IGF1R: variants seen among roughly 807,000 people sequenced by gnomAD.
The protein encoded by IGF1R is insulin like growth factor 1 receptor.
In IGF1R, 44 loss-of-function variants were observed where a neutral mutation model predicts 144.6. That is an observed-to-expected ratio of 0.30 (90% CI 0.24 to 0.39). The LOEUF (loss-of-function observed/expected upper bound fraction) is 0.39. IGF1R is among the 10% of genes least tolerant of loss of function. IGF1R has a pLI of 1.00. For synonymous variants in IGF1R, 795 were observed against 722.8 expected (o/e 1.10, Z -1.60); for missense variants, 1,355 against 1,833.7 (o/e 0.74, Z 4.77).
At position 98,648,726 on chromosome 15, in the gene IGF1R, C is replaced by A. The variant is rs934705241; in HGVS notation, c.-856C>A. Among the ~76,000 whole-genome samples, 125 of 147,526 alleles carry A rather than the reference C, an allele frequency of 8.5e-4. No homozygotes were observed. The highest frequency in any genetic ancestry group is 1.3e-3 in the Non-Finnish European group (88 of 66,236). ...CTGCCCACGGCCGGCGCTCGCAGACCCTCGGCCCCGCTCCCCGGATCCCCC... is the reference window on the plus strand; with the variant it reads ...CTGCCCACGGCCGGCGCTCGCAGACACTCGGCCCCGCTCCCCGGATCCCCC... On this transcript the variant is annotated 5_prime_UTR_variant, in exon 1 of 21. Transcript: ENST00000650285.
At chr15:98,804,533 G>A (rs750045016) in intron 2 of IGF1R, among the ~76,000 whole-genome samples, 61 of 152,106 alleles carry the variant, frequency 4.0e-4, no homozygotes, top group Non-Finnish European at 6.3e-4. Flanking sequence ...GGATGGGGAT[G>A]CACTCCAGAG....
In IGF1R at chr15:98,963,867, A is replaced by C. The variant is rs2017323838; in HGVS notation, c.*6425A>C. 1 of 233,224 alleles carries C rather than the reference A, an allele frequency of 4.3e-6. No individual in the cohort carries two copies. Among genetic ancestry groups the C allele is most frequent in the Non-Finnish European group, 8.5e-6 (1 of 117,986 alleles). 14.4% of individuals were successfully genotyped at this position (233,224 alleles called of 1,614,324 possible). A position where few individuals can be genotyped will look rare whatever the true frequency, so the allele number is the denominator to read the frequency against. ...AGTTGACTCCACTTCCTCTAACTCC[A>C]GTGGATTGTTGGCCATGTCTCCCCA... On this transcript the variant is annotated 3_prime_UTR_variant, in exon 21 of 21. Transcript: ENST00000650285.
intron 4 of IGF1R, chr15:98,897,164 A>G (rs1389300823): frequency 1.0e-5 from 5 of 495,080 alleles, no homozygotes; most frequent in South Asian, 6.2e-5. Flanking sequence ...TGTTAGTCAC[A>G]TCTTGCATAG....
intron 8 of IGF1R, 47 bp from the exon 9 acceptor site, chr15:98,915,917 C>G (rs755556587): frequency 2.5e-6 from 4 of 1,589,894 alleles, no homozygotes; most frequent in Non-Finnish European, 3.5e-6. Flanking sequence ...TAGCCTGACT[C>G]TTAAGTTCAT....
At chr15:98,777,802 G>A (rs888335109) in intron 2 of IGF1R, among the ~76,000 whole-genome samples, 3 of 152,220 alleles carry the variant, frequency 2.0e-5, no homozygotes, top group African/African-American at 4.8e-5. Flanking sequence ...TGCAGAGACG[G>A]AGCTGGGAGC....
At chr15:98,691,420 A>G (rs1393817606) in intron 1 of IGF1R, among the ~76,000 whole-genome samples, 5 of 150,128 alleles carry the variant, frequency 3.3e-5, no homozygotes, top group South Asian at 2.1e-4. Flanking sequence ...CTGGAGTGCA[A>G]TGGTGCAACC....
chr15:98,766,630 T>A (rs2055443194), intron 2 of IGF1R, among the ~76,000 whole-genome samples: 1 of 152,210 alleles, frequency 6.6e-6, no homozygotes, highest in Non-Finnish European at 1.5e-5. Flanking sequence ...TACATACCCC[T>A]CTTTATATCC....
At chr15:98,865,087 C>T (rs1190131350) in intron 2 of IGF1R, among the ~76,000 whole-genome samples, 1 of 152,172 alleles carries the variant, frequency 6.6e-6, no homozygotes, top group Non-Finnish European at 1.5e-5. Context: ...CACATGCTTG[C>T]TGGACCAAAG....
intron 2 of IGF1R, among the ~76,000 whole-genome samples, chr15:98,791,825 T>C (rs2175799): frequency 0.049 from 7,445 of 152,338 alleles, 252 homozygotes; most frequent in East Asian, 0.14. Context: ...TGTTTAACGT[T>C]CCTGTTATTT....
chr15:98,761,324 G>C (rs1041610442), intron 2 of IGF1R, among the ~76,000 whole-genome samples: 1 of 152,226 alleles, frequency 6.6e-6, no homozygotes, highest in East Asian at 1.9e-4. Flanking sequence ...TGAGTTGCAG[G>C]GGCAGAGAGG....
intron 2 of IGF1R, among the ~76,000 whole-genome samples, chr15:98,771,491 T>C (rs1049972458): frequency 2.6e-5 from 4 of 152,206 alleles, no homozygotes; most frequent in Non-Finnish European, 5.9e-5. Flanking sequence ...AAGAGGGACC[T>C]GCACAAGGCT....
At chr15:98,779,034 G>A (rs2055788865) in intron 2 of IGF1R, among the ~76,000 whole-genome samples, 3 of 152,180 alleles carry the variant, frequency 2.0e-5, no homozygotes, top group Admixed American at 6.5e-5. Flanking sequence ...TAAAAATTAT[G>A]TTTTATTCTT....
intron 2 of IGF1R, among the ~76,000 whole-genome samples, chr15:98,838,665 T>C (rs1027157685): frequency 6.6e-6 from 1 of 152,190 alleles, no homozygotes; most frequent in Admixed American, 6.5e-5. Context: ...CTTGCCCCAC[T>C]CATCTTGATT....
At chr15:98,831,246 A>T (rs779800647) in intron 2 of IGF1R, among the ~76,000 whole-genome samples, 1 of 152,190 alleles carries the variant, frequency 6.6e-6, no homozygotes, top group African/African-American at 2.4e-5. Flanking sequence ...TTTCACCCAC[A>T]TCTGACCCTA....
In IGF1R at chr15:98,916,506, C is replaced by T. The variant is rs986892123; in HGVS notation, c.1997-166C>T. ...GAAACTCCTAACCTCAGGTGATTTG[C>T]CCGCCTCGGCCTCCCAAAGTGCTGG... On this transcript the variant is annotated intron_variant, in intron 9 of 20. Transcript: ENST00000650285. 14 of 697,124 alleles carry T rather than the reference C, an allele frequency of 2.0e-5. No homozygotes were observed. In the African/African-American group the frequency reaches 2.5e-4, roughly 12 times the overall value. 43.2% of individuals were successfully genotyped at this position (697,124 alleles called of 1,614,324 possible).
At chr15:98,729,400 C>T (rs2054443740) in intron 2 of IGF1R, among the ~76,000 whole-genome samples, 1 of 152,198 alleles carries the variant, frequency 6.6e-6, no homozygotes, top group Non-Finnish European at 1.5e-5. Context: ...GTGACCTCCA[C>T]AGGTAATCTT....
intron 1 of IGF1R, among the ~76,000 whole-genome samples, chr15:98,684,290 T>C (rs985417872): frequency 1.3e-5 from 2 of 152,012 alleles, no homozygotes; most frequent in Non-Finnish European, 2.9e-5. Context: ...TTATCACAGC[T>C]GGAAAAATGT....
At chr15:98,866,206 C>A (rs970725196) in intron 2 of IGF1R, among the ~76,000 whole-genome samples, 6 of 152,174 alleles carry the variant, frequency 3.9e-5, no homozygotes, top group Non-Finnish European at 7.4e-5. Context: ...ACGCTCCTGC[C>A]GTCCACAGGA....
At chr15:98,697,016 G>T (rs773954662) in intron 1 of IGF1R, among the ~76,000 whole-genome samples, 1 of 152,194 alleles carries the variant, frequency 6.6e-6, no homozygotes, top group Non-Finnish European at 1.5e-5. Context: ...CTCCTTTGGG[G>T]GAAGAGGTGA....
Sources: gnomAD v4.1 joint callset for allele counts (sites outside exome capture counted in the v4.1 genomes callset) on GRCh38, gnomAD v4.1.1 for gene constraint, MANE v1.5 for transcripts, NCBI Gene and HGNC (gene_info 2026-07-23, HGNC 2026-07-21) for gene names.